MED4: variants seen among roughly 807,000 people sequenced by gnomAD.
MED4 encodes mediator of RNA polymerase II transcription subunit 4.
A neutral mutation model predicts 35.0 loss-of-function variants in MED4; 21 were observed. The observed-to-expected ratio is 0.60, with a 90% CI of 0.43 to 0.86. The LOEUF (loss-of-function observed/expected upper bound fraction) is 0.86. Ranked by LOEUF, MED4 falls within the 40% of genes least tolerant of loss-of-function variation. The pLI, the probability that MED4 is intolerant of heterozygous loss-of-function variation, is 0.00. For missense variants in MED4, 300 were observed against 319.4 expected, an observed-to-expected ratio of 0.94 and a Z score of 0.46; for synonymous variants, 138 against 114.0, an observed-to-expected ratio of 1.21 and a Z score of -1.34.
chr13:48,086,261 A>C, intron 3 of MED4, 21 bp downstream of exon 3: 1 of 1,609,142 alleles, frequency 6.2e-7, no homozygotes, highest in Non-Finnish European at 8.5e-7. Flanking sequence ...TAACCTTAAG[A>C]ACCAACCTCT....
chr13:48,085,097 G>GAC (rs1289996160), intron 3 of MED4, among the ~76,000 whole-genome samples: 5 of 151,558 alleles, frequency 3.3e-5, no homozygotes, highest in African/African-American at 1.2e-4. Flanking sequence ...TTGTACTCCC[G>GAC]ACCTCAGGTG....
At chr13:48,085,829 A>C (rs368855117) in intron 3 of MED4, among the ~76,000 whole-genome samples, 1 of 152,192 alleles carries the variant, frequency 6.6e-6, no homozygotes, top group Admixed American at 6.5e-5. Context: ...GATGAGGATG[A>C]ATGACTAAAT....
chr13:48,094,850 C>T lies in MED4; in HGVS notation c.125+104G>A, dbSNP rs368613461. The T allele has an allele frequency of 5.0e-5, 75 of 1,508,802 alleles. 2 individuals carry two copies. The highest frequency in any genetic ancestry group is 4.2e-4 in the East Asian group (18 of 43,036). The allele number at this position is 1,508,802 out of a possible 1,614,324, so 93.5% of individuals were successfully genotyped here. A position where few individuals can be genotyped will look rare whatever the true frequency, so the allele number is the denominator to read the frequency against. On this transcript the variant is annotated intron_variant, in intron 1 of 6. Coordinates refer to ENST00000258648, the MANE Select transcript of MED4 (RefSeq NM_014166.4). Reference sequence around the variant, plus strand: ...ATGCACCCGAAACTCCCGAGCTGGCCCTCCCCGCCGAACCCCGAGAACGAG... The same window carrying T: ...ATGCACCCGAAACTCCCGAGCTGGCTCTCCCCGCCGAACCCCGAGAACGAG...
At chr13:48,084,018 T>C (rs1950830243) in intron 3 of MED4, among the ~76,000 whole-genome samples, 1 of 152,066 alleles carries the variant, frequency 6.6e-6, no homozygotes, top group Admixed American at 6.5e-5. Context: ...CCCAGCATTT[T>C]GGGAGGCCGA....
At chr13:48,092,565 T>C (rs1447337157) in intron 1 of MED4, among the ~76,000 whole-genome samples, 4 of 152,184 alleles carry the variant, frequency 2.6e-5, no homozygotes, top group African/African-American at 4.8e-5. Context: ...GTTTCTGTAG[T>C]GTTCCAGGCA....
chr13:48,085,095 C>G (rs901063348), intron 3 of MED4, among the ~76,000 whole-genome samples: 53 of 151,784 alleles, frequency 3.5e-4, no homozygotes, highest in African/African-American at 1.2e-3. Context: ...TCTTGTACTC[C>G]CGACCTCAGG....
chr13:48,080,271 C>T (rs922174470), intron 5 of MED4, among the ~76,000 whole-genome samples: 2 of 151,684 alleles, frequency 1.3e-5, no homozygotes, highest in Non-Finnish European at 2.9e-5. Context: ...GTGGCACGCA[C>T]CTATAATCCC....
In MED4 at chr13:48,080,613, T is replaced by C. The variant is rs138475592; in HGVS notation, c.509-638A>G. 3.0e-3 allele frequency among the ~76,000 whole-genome samples: 453 copies of C among 152,182 alleles called. 1 individual carries two copies. Among genetic ancestry groups the C allele is most frequent in the African/African-American group, 0.01 (425 of 41,544 alleles). ...AAGAAAATTATAATAATCTCAATTA[T>C]TCAAACTTAACTGTATTTTCTAGCA... On this transcript the variant is annotated intron_variant, in intron 5 of 6. Transcript: ENST00000258648.
At chr13:48,089,218 C>T (rs555011222) in intron 2 of MED4, among the ~76,000 whole-genome samples, 19 of 152,264 alleles carry the variant, frequency 1.2e-4, no homozygotes, top group African/African-American at 4.1e-4. Context: ...CCTTACTACC[C>T]CTAAGGTTAG....
At chr13:48,079,171 T>C (rs546154974) in intron 6 of MED4, among the ~76,000 whole-genome samples, 74 of 152,236 alleles carry the variant, frequency 4.9e-4, no homozygotes, top group Non-Finnish European at 1.0e-3. Context: ...TAAAAGTTTA[T>C]AAAAAGCTAT....
At chr13:48,080,539 TAAAA>T (rs963465714) in intron 5 of MED4, among the ~76,000 whole-genome samples, 1 of 150,924 alleles carries the variant, frequency 6.6e-6, no homozygotes, top group African/African-American at 2.4e-5. Flanking sequence ...TTCTACACTT[TAAAA>T]AAAAAGAGAT....
chr13:48,087,881 A>T (rs1357870486), intron 2 of MED4, among the ~76,000 whole-genome samples: 6 of 152,126 alleles, frequency 3.9e-5, no homozygotes, highest in Non-Finnish European at 4.4e-5. Context: ...TGATTTCATA[A>T]AACAGTAAAC....
intron 1 of MED4, among the ~76,000 whole-genome samples, chr13:48,093,075 A>G (rs1051836601): frequency 6.6e-6 from 1 of 152,238 alleles, no homozygotes; most frequent in Non-Finnish European, 1.5e-5. Context: ...AAGAAGGTGC[A>G]TTCCCAGCAT....
At chr13:48,083,520 A>T (rs1247943019) in intron 3 of MED4, 92 bp from the exon 4 acceptor site, 1 of 927,866 alleles carries the variant, frequency 1.1e-6, no homozygotes, top group African/African-American at 1.7e-5. Flanking sequence ...TTAGCCTACA[A>T]GAACAATCTT....
rs1052693257 is a variant in MED4 at position 48,080,082 on chromosome 13, T to C, written c.509-107A>G. ...CTGGTTCATGCTGAAAAGTTCAGGC[T>C]ACATTTTCAATTTTGAAATACAGAA... On this transcript the variant is annotated intron_variant, in intron 5 of 6. Transcript: ENST00000258648. 3 of 1,293,924 alleles carry C rather than the reference T, an allele frequency of 2.3e-6. No homozygotes were observed. The African/African-American group carries it at 4.5e-5, about 20-fold the overall frequency. 80.2% of individuals were successfully genotyped at this position (1,293,924 alleles called of 1,614,324 possible). A position where few individuals can be genotyped will look rare whatever the true frequency, so the allele number is the denominator to read the frequency against.
At chr13:48,087,912 C>T (rs1234413139) in intron 2 of MED4, among the ~76,000 whole-genome samples, 8 of 151,966 alleles carry the variant, frequency 5.3e-5, no homozygotes, top group African/African-American at 1.2e-4. Flanking sequence ...TATGCAGATA[C>T]GGCAAAAACC....
intron 5 of MED4, 39 bp from the exon 6 acceptor site, chr13:48,080,014 T>A (rs1950793183): frequency 1.3e-6 from 2 of 1,599,166 alleles, no homozygotes; most frequent in South Asian, 2.2e-5. Flanking sequence ...AATCATATTT[T>A]AAAAAATAAG....
intron 2 of MED4, among the ~76,000 whole-genome samples, chr13:48,088,812 A>G (rs528591998): frequency 5.9e-5 from 9 of 152,352 alleles, no homozygotes; most frequent in Middle Eastern, 3.4e-3. Flanking sequence ...AAAATTCTAT[A>G]TAAAATTATA....
intron 6 of MED4, 108 bp downstream of exon 6, chr13:48,079,736 A>G (rs1950790116): frequency 4.3e-6 from 6 of 1,398,530 alleles, no homozygotes; most frequent in Non-Finnish European, 5.8e-6. Context: ...TACAAAAAAA[A>G]AAAAATTGTG....
Sources: gnomAD v4.1 joint callset for allele counts (sites outside exome capture counted in the v4.1 genomes callset) on GRCh38, gnomAD v4.1.1 for gene constraint, MANE v1.5 for transcripts, NCBI Gene and HGNC (gene_info 2026-07-23, HGNC 2026-07-21) for gene names.